SOX5: variants seen among roughly 807,000 people sequenced by gnomAD.
SOX5 encodes SRY-box transcription factor 5.
A neutral mutation model predicts 92.0 loss-of-function variants in SOX5; 9 were observed. That is an observed-to-expected ratio of 0.10 (90% confidence interval 0.06 to 0.17). The LOEUF (loss-of-function observed/expected upper bound fraction) is 0.17, where lower values mean the gene tolerates loss of function less well. Among genes scored for constraint, SOX5 ranks in the 10% least tolerant of loss-of-function variants. SOX5 has a pLI of 1.00. For missense variants in SOX5, 642 were observed against 944.5 expected (o/e 0.68, Z 4.20); for synonymous variants, 344 against 336.3 (o/e 1.02, Z -0.25).
Position 24,076,699 on chromosome 12 carries a change from C to CTTTTT in SOX5, c.-2+136639_-2+136643dup, listed in dbSNP as rs11302877. On this transcript the variant is annotated intron_variant, in intron 4 of 4. Transcript: ENST00000446891. ...AATACTAAAAAAGATCCAAAGCTGC[C>CTTTTT]TTTTTTTTTTTTTTTTTTTTTGTAA... is the stretch of plus-strand genomic sequence containing the variant. 1.1e-4 allele frequency among the ~76,000 whole-genome samples: 11 copies of CTTTTT among 102,864 alleles called. 3 individuals carry two copies. Among genetic ancestry groups the CTTTTT allele is most frequent in the South Asian group, 3.4e-4 (1 of 2,918 alleles). 67.5% of individuals were successfully genotyped at this position (102,864 alleles called of 152,430 possible). A position where few individuals can be genotyped will look rare whatever the true frequency, so the allele number is the denominator to read the frequency against.
rs560668229 is a variant in SOX5, at chr12:24,260,239, C to T, written c.-77+16977G>A. Among the ~76,000 whole-genome samples, 83 of 152,246 alleles carry T rather than the reference C, an allele frequency of 5.5e-4. No homozygotes were observed. In the South Asian group the frequency reaches 0.011, roughly 21 times the overall value. On this transcript the variant is annotated intron_variant, in intron 3 of 4. Coordinates refer to the SOX5 transcript ENST00000446891. ...TTTTCACTGATTCGCTGACGAGGAGCATGATGGGTGACCTGTTAATCAGGA... is the reference window on the plus strand; with the variant it reads ...TTTTCACTGATTCGCTGACGAGGAGTATGATGGGTGACCTGTTAATCAGGA...
chr12:23,992,652 T>C (rs1950672570), intron 4 of SOX5, among the ~76,000 whole-genome samples: 1 of 152,202 alleles, frequency 6.6e-6, no homozygotes, highest in Non-Finnish European at 1.5e-5. Context: ...GAAGAATGCA[T>C]GTATAGATGA....
chr12:23,563,312 A>G lies in SOX5; in HGVS notation c.1434T>C (p.Asp478=), dbSNP rs750461015. The change falls in exon 11 of 15, where the codon GAT becomes GAC. Residue 478 remains aspartate (D), a synonymous_variant. Transcript: ENST00000451604. ...EQLRREQQVL[D]GKVAVVNSLG... is the part of the protein sequence containing the mutation. ...GACTATTCACAACAGCCACCTTCCC[A>G]TCAAGCACCTGTTGTTCCCGTCGGA... 6.2e-7 allele frequency: 1 copy of G among 1,614,060 alleles called. No individual in the cohort carries two copies. Among genetic ancestry groups the G allele is most frequent in the Non-Finnish European group, 8.5e-7 (1 of 1,179,908 alleles).
At chr12:24,312,262 T>A (rs1021923898) in intron 2 of SOX5, among the ~76,000 whole-genome samples, 1 of 152,172 alleles carries the variant, frequency 6.6e-6, no homozygotes, top group African/African-American at 2.4e-5. Flanking sequence ...ATCACCTAGC[T>A]CCCCTCTCAA....
chr12:23,596,176 T>C (rs1952404028), intron 9 of SOX5, among the ~76,000 whole-genome samples: 1 of 152,214 alleles, frequency 6.6e-6, no homozygotes, highest in African/African-American at 2.4e-5. Context: ...CAGTTTAGAA[T>C]ATTACATGTC....
chr12:23,721,954 T>C (rs1339667129), intron 6 of SOX5, among the ~76,000 whole-genome samples: 3 of 152,206 alleles, frequency 2.0e-5, no homozygotes, highest in African/African-American at 7.2e-5. Context: ...AAACCAGTTA[T>C]TTAAATAGAG....
intron 3 of SOX5, among the ~76,000 whole-genome samples, chr12:23,824,597 C>T (rs2096191909): frequency 6.6e-6 from 1 of 152,168 alleles, no homozygotes; most frequent in African/African-American, 2.4e-5. Flanking sequence ...TGTCAGGGAC[C>T]CACTTTAGGA....
chr12:24,398,810 G>A (rs186106217), intron 1 of SOX5, among the ~76,000 whole-genome samples: 26 of 152,202 alleles, frequency 1.7e-4, no homozygotes, highest in African/African-American at 5.3e-4. Context: ...TTCTGTCTCC[G>A]TGTATTTCAA....
intron 4 of SOX5, among the ~76,000 whole-genome samples, chr12:24,177,398 A>C (rs1041394709): frequency 6.6e-6 from 1 of 152,308 alleles, no homozygotes; most frequent in South Asian, 2.1e-4. Context: ...ATACCCTAGA[A>C]AATGCAAATG....
At chr12:24,195,921 G>T (rs1171546596) in intron 4 of SOX5, among the ~76,000 whole-genome samples, 1 of 152,170 alleles carries the variant, frequency 6.6e-6, no homozygotes, top group Non-Finnish European at 1.5e-5. Flanking sequence ...GTCTCATTCT[G>T]TTGCCCAGGC....
chr12:23,862,997 G>T (rs1414546442), intron 2 of SOX5, among the ~76,000 whole-genome samples: 1 of 152,184 alleles, frequency 6.6e-6, no homozygotes, highest in African/African-American at 2.4e-5. Flanking sequence ...GCAACTAGTA[G>T]ACAGGATAAG....
chr12:23,845,731 G>T (rs1458487343), intron 3 of SOX5, among the ~76,000 whole-genome samples: 3 of 151,934 alleles, frequency 2.0e-5, no homozygotes, highest in Admixed American at 6.6e-5. Flanking sequence ...TTCTATTCTT[G>T]AATCTTTTTC....
intron 1 of SOX5, among the ~76,000 whole-genome samples, chr12:23,931,625 T>C (rs1941426926): frequency 6.6e-6 from 1 of 151,770 alleles, no homozygotes; most frequent in Admixed American, 6.6e-5. Context: ...TAGCCTGTAC[T>C]TGCTTCTAAT....
At chr12:23,573,021 T>C (rs1948603544) in intron 10 of SOX5, among the ~76,000 whole-genome samples, 1 of 152,178 alleles carries the variant, frequency 6.6e-6, no homozygotes, top group Admixed American at 6.5e-5. Context: ...TTCTCTGAAA[T>C]GTTACCATTT....
intron 2 of SOX5, among the ~76,000 whole-genome samples, chr12:24,336,236 A>G (rs1434495347): frequency 6.6e-6 from 1 of 151,526 alleles, no homozygotes; most frequent in African/African-American, 2.4e-5. Context: ...CTGGGACCAC[A>G]GGCGCCCGCC....
At chr12:24,215,025 C>A in intron 3 of SOX5, among the ~76,000 whole-genome samples, 1 of 152,036 alleles carries the variant, frequency 6.6e-6, no homozygotes, top group East Asian at 1.9e-4. Flanking sequence ...TCTATAGATG[C>A]TGAAAAGCAT....
intron 4 of SOX5, among the ~76,000 whole-genome samples, chr12:24,041,244 G>A (rs867541851): frequency 6.6e-6 from 1 of 152,054 alleles, no homozygotes; most frequent in Non-Finnish European, 1.5e-5. Flanking sequence ...ATATCATAAG[G>A]CTCACTGAAT....
chr12:24,525,520 A>G (rs1009418635), intron 1 of SOX5, among the ~76,000 whole-genome samples: 38 of 152,204 alleles, frequency 2.5e-4, no homozygotes, highest in African/African-American at 9.2e-4. Flanking sequence ...AAGAGGGTAG[A>G]TATCATGTTA....
chr12:24,005,239 G>A (rs1001844732), intron 4 of SOX5, among the ~76,000 whole-genome samples: 4 of 151,532 alleles, frequency 2.6e-5, no homozygotes, highest in South Asian at 2.1e-4. Flanking sequence ...TCTGAAGTAC[G>A]TAAATGACAT....
Sources: allele counts gnomAD v4.1 joint callset (sites outside exome capture counted in the v4.1 genomes callset), GRCh38; gene constraint gnomAD v4.1.1; transcripts MANE v1.5; gene names NCBI Gene and HGNC (gene_info 2026-07-23, HGNC 2026-07-21).